The following PCDHGB1 variants were observed in gnomAD, a reference collection of about 807,000 sequenced individuals.
PCDHGB1 encodes the protein protocadherin gamma subfamily B, 1.
A neutral mutation model predicts 56.6 loss-of-function variants in PCDHGB1; 34 were observed. The observed-to-expected ratio is 0.60, with a 90% CI of 0.46 to 0.80. PCDHGB1 has a LOEUF of 0.80. Ranked by LOEUF, PCDHGB1 falls within the 30% of genes least tolerant of loss-of-function variation. The pLI, the probability that PCDHGB1 is intolerant of heterozygous loss-of-function variation, is 0.00. For missense variants in PCDHGB1, 1,278 were observed against 1,204.6 expected (o/e 1.06, Z -0.90); for synonymous variants, 561 against 505.9 (o/e 1.11, Z -1.46).
chr5:141,409,256 C>G (rs1212394349), intron 1 of PCDHGB1: 2 of 1,613,918 alleles, frequency 1.2e-6, no homozygotes, highest in African/African-American at 2.7e-5. Context: ...CATCACTTCT[C>G]TCTCTGATCA....
In PCDHGB1 at chr5:141,385,336, C is replaced by T. The variant is rs866774654; in HGVS notation, c.2409+32667C>T. 2.5e-6 allele frequency: 4 copies of T among 1,579,494 alleles called. No homozygotes were observed. In the African/African-American group the frequency reaches 5.4e-5, roughly 22 times the overall value. ...GCCAAGTATTCAGGTGAGCCCAGCC[C>T]TTCCTTTATTTCCATGAGGAATTTA... On this transcript the variant is annotated intron_variant, in intron 1 of 3. Coordinates refer to ENST00000523390, the MANE Select transcript of PCDHGB1 (RefSeq NM_018922.3).
chr5:141,429,631 G>A (rs1272926056), intron 1 of PCDHGB1, among the ~76,000 whole-genome samples: 1 of 152,132 alleles, frequency 6.6e-6, no homozygotes, highest in Non-Finnish European at 1.5e-5. Context: ...TTTTCTCACA[G>A]CTACCTATAT....
At position 141,350,982 on chromosome 5, in the gene PCDHGB1, A is replaced by G. The variant is rs562278000; in HGVS notation, c.722A>G (p.Gln241Arg). 36 of 1,614,086 alleles carry G rather than the reference A, an allele frequency of 2.2e-5. No individual in the cohort carries two copies. Among genetic ancestry groups the G allele is most frequent in the Non-Finnish European group, 3.0e-5 (35 of 1,179,910 alleles). ...AATGATAATGCTCCCGTGTTTAGCC[A>G]GGAGGTATACAGGGTTAGCCTCCAA... The part of the protein sequence containing the change: ...DANDNAPVFS[Q>R]EVYRVSLQEN... The change falls in exon 1 of 4, where the codon CAG becomes CGG. Residue 241 changes from glutamine to arginine, a missense_variant. Physicochemically the swap from Gln to Arg is conservative, Grantham distance 43 (BLOSUM62 1). Coordinates refer to ENST00000523390, the MANE Select transcript of PCDHGB1 (RefSeq NM_018922.3).
At position 141,359,043 on chromosome 5, in the gene PCDHGB1, T is replaced by C. The variant is rs1437297032; in HGVS notation, c.2409+6374T>C. Among the ~76,000 whole-genome samples, 8 of 152,376 alleles carry C rather than the reference T, an allele frequency of 5.3e-5. No individual in the cohort carries two copies. In the East Asian group the frequency reaches 9.6e-4, roughly 18 times the overall value. On this transcript the variant is annotated intron_variant, in intron 1 of 3. Transcript: ENST00000523390. The stretch of plus-strand genomic sequence containing the variant: ...ATAACTGGAAGTTGTAGTGATAGAC[T>C]GTGGAATATGCCTCAATTTGACTTA...
At chr5:141,404,381 T>A (rs762394525) in intron 1 of PCDHGB1, 5 of 1,613,954 alleles carry the variant, frequency 3.1e-6, no homozygotes, top group Middle Eastern at 1.6e-4. Context: ...CGTGATTGCC[T>A]ATGACCCTGA....
intron 1 of PCDHGB1, chr5:141,394,190 G>A (rs1370592594): frequency 1.9e-6 from 3 of 1,613,800 alleles, no homozygotes; most frequent in African/African-American, 1.3e-5. Context: ...CCTACTCAGC[G>A]TATATCCTAG....
intron 1 of PCDHGB1, chr5:141,372,871 G>A: frequency 7.4e-7 from 1 of 1,350,238 alleles, no homozygotes; most frequent in African/African-American, 1.5e-5. Context: ...TTGATTTAGA[G>A]ATAAAAAGAA....
At chr5:141,371,656 C>A (rs772257649) in intron 1 of PCDHGB1, 4 of 1,613,886 alleles carry the variant, frequency 2.5e-6, no homozygotes, top group East Asian at 2.2e-5. Flanking sequence ...TACAATGTGA[C>A]GATCACAGCT....
chr5:141,393,844 G>A (rs1158027980), intron 1 of PCDHGB1: 1 of 1,613,966 alleles, frequency 6.2e-7, no homozygotes, highest in Admixed American at 1.7e-5. Flanking sequence ...AATGACAATA[G>A]ACCAGAAGTG....
chr5:141,478,394 G>A, intron 1 of PCDHGB1: 1 of 1,613,586 alleles, frequency 6.2e-7, no homozygotes, highest in Non-Finnish European at 8.5e-7. Context: ...TTACCATCAG[G>A]TGTATCTCAC....
intron 1 of PCDHGB1, chr5:141,366,594 A>T: frequency 6.2e-7 from 1 of 1,614,242 alleles, no homozygotes; most frequent in South Asian, 1.1e-5. Context: ...ACCTATTCCC[A>T]CGAGGTCTCC....
intron 1 of PCDHGB1, among the ~76,000 whole-genome samples, chr5:141,433,534 C>T (rs2097618995): frequency 6.6e-6 from 1 of 152,088 alleles, no homozygotes; most frequent in Admixed American, 6.5e-5. Context: ...GTGCCCCGCC[C>T]TTATCAGATA....
In PCDHGB1 at chr5:141,477,844, G is replaced by A. The variant is rs748180474; in HGVS notation, c.2410-16963G>A. On this transcript the variant is annotated intron_variant, in intron 1 of 3. Coordinates refer to ENST00000523390, the MANE Select transcript of PCDHGB1 (RefSeq NM_018922.3). This position sits in a 1 kb window ranked among gnomAD's most constrained non-coding sequence, Gnocchi z 4.9. ...TATATCCTCGGCCAGGTGGGAGCTC[G>A]GTGGAGATGCTGCCTCGAGGTACCT... The A allele has an allele frequency of 6.2e-7, 1 of 1,613,394 alleles. No individual in the cohort carries two copies.
Position 141,490,869 on chromosome 5 carries a change from A to AT in PCDHGB1, c.2410-3936dup. 1.2e-6 allele frequency: 2 copies of AT among 1,613,902 alleles called. No individual in the cohort carries two copies. Among genetic ancestry groups the AT allele is most frequent in the Non-Finnish European group, 8.5e-7 (1 of 1,179,954 alleles). ...GGGTTCGAGACTCCGGCTCTCCCCC[A>AT]TTGCATGCCAACACATCTCTGCATG... On this transcript the variant is annotated intron_variant, in intron 1 of 3. Coordinates refer to ENST00000523390, the MANE Select transcript of PCDHGB1 (RefSeq NM_018922.3). This position sits in a 1 kb window ranked among gnomAD's most constrained non-coding sequence, Gnocchi z 5.4.
chr5:141,411,174 A>T (rs574627520), intron 1 of PCDHGB1: 4 of 152,400 alleles, frequency 2.6e-5, no homozygotes, highest in African/African-American at 7.2e-5. Flanking sequence ...GAACAGAAGC[A>T]GTGGTCTTGG....
At chr5:141,369,176 A>G (rs1766073414) in intron 1 of PCDHGB1, among the ~76,000 whole-genome samples, 1 of 152,212 alleles carries the variant, frequency 6.6e-6, no homozygotes, top group Non-Finnish European at 1.5e-5. Context: ...GTAAATAACA[A>G]AAAGTTAGGA....
chr5:141,490,399 C>T lies in PCDHGB1; in HGVS notation c.2410-4408C>T. The T allele has an allele frequency of 1.2e-6, 2 of 1,614,148 alleles. No homozygotes were observed. Among genetic ancestry groups the T allele is most frequent in the Non-Finnish European group, 1.7e-6 (2 of 1,180,016 alleles). On this transcript the variant is annotated intron_variant, in intron 1 of 3. Transcript: ENST00000523390. This position sits in a 1 kb window ranked among gnomAD's most constrained non-coding sequence, Gnocchi z 5.4. ...CTCAGGTAGAAATGGTGAAGTGAGC[C>T]TTGATATCTCTCCGGACCTGCCATT... is the stretch of plus-strand genomic sequence containing the variant.
At chr5:141,356,575 G>A in intron 1 of PCDHGB1, 1 of 1,614,084 alleles carries the variant, frequency 6.2e-7, no homozygotes, top group Non-Finnish European at 8.5e-7. Flanking sequence ...TTCCTACTCT[G>A]CTTACATTCC....
intron 1 of PCDHGB1, chr5:141,376,546 T>TC (rs1388461293): frequency 6.2e-7 from 1 of 1,612,610 alleles, no homozygotes; most frequent in Non-Finnish European, 8.5e-7. Context: ...AGTAATCTGA[T>TC]CTTCCCGCAA....
Sources: gnomAD v4.1 joint callset for allele counts (sites outside exome capture counted in the v4.1 genomes callset) on GRCh38, gnomAD v4.1.1 for gene constraint, Gnocchi (gnomAD v3.1) non-coding constraint, MANE v1.5 for transcripts, NCBI Gene and HGNC (gene_info 2026-07-23, HGNC 2026-07-21) for gene names.